ASIC2: variants seen among roughly 807,000 people sequenced by gnomAD.
ASIC2 encodes the protein acid-sensing ion channel 2.
In ASIC2, 25 loss-of-function variants were observed where a neutral mutation model predicts 57.3. The ratio of observed to expected loss-of-function variants is 0.44; its 90% CI spans 0.32 to 0.61. The LOEUF (loss-of-function observed/expected upper bound fraction) is 0.61. Ranked by LOEUF, ASIC2 falls within the 20% of genes least tolerant of loss-of-function variation. ASIC2 has a pLI of 0.06. For synonymous variants in ASIC2, 319 were observed against 307.5 expected, an observed-to-expected ratio of 1.04 and a Z score of -0.39; for missense variants, 641 against 738.1, an observed-to-expected ratio of 0.87 and a Z score of 1.52.
chr17:33,449,075 G>A (rs1005412057), intron 1 of ASIC2, among the ~76,000 whole-genome samples: 1 of 152,138 alleles, frequency 6.6e-6, no homozygotes, highest in Non-Finnish European at 1.5e-5. Context: ...ATGATGAATA[G>A]GAAACTGTTT....
At chr17:33,406,002 A>G (rs1169603586) in intron 1 of ASIC2, among the ~76,000 whole-genome samples, 1 of 150,048 alleles carries the variant, frequency 6.7e-6, no homozygotes, top group Non-Finnish European at 1.5e-5. Flanking sequence ...TTTCCCATGG[A>G]AAATGCAAAA....
chr17:33,891,652 T>G (rs1209083678), intron 1 of ASIC2, among the ~76,000 whole-genome samples: 1 of 152,350 alleles, frequency 6.6e-6, no homozygotes, highest in South Asian at 2.1e-4. Context: ...TTGTTTTGGC[T>G]GTTAGGAAGC....
chr17:33,220,144 C>G (rs1251934846), intron 1 of ASIC2, among the ~76,000 whole-genome samples: 1 of 152,168 alleles, frequency 6.6e-6, no homozygotes, highest in Non-Finnish European at 1.5e-5. Context: ...TAGTTTAACT[C>G]TAGAATAGAG....
At chr17:33,736,257 C>T (rs1267000112) in intron 1 of ASIC2, among the ~76,000 whole-genome samples, 2 of 151,900 alleles carry the variant, frequency 1.3e-5, no homozygotes, top group Non-Finnish European at 1.5e-5. Flanking sequence ...ATCATCCTGC[C>T]ATTGCTGAGG....
At position 33,916,708 on chromosome 17, in the gene ASIC2, T is replaced by C. The variant is rs893680143; in HGVS notation, c.555+239270A>G. Among the ~76,000 whole-genome samples, 9 of 152,042 alleles carry C rather than the reference T, an allele frequency of 5.9e-5. No homozygotes were observed. In the South Asian group the frequency reaches 1.0e-3, roughly 18 times the overall value. ...TCTGGGGGTAAAGGATGCAAAGAGG[T>C]TGCAATGACTTCAAGGTTTCAGGAT... On this transcript the variant is annotated intron_variant, in intron 1 of 9. Transcript: ENST00000359872.
At chr17:33,605,033 C>A (rs1003068191) in intron 1 of ASIC2, among the ~76,000 whole-genome samples, 2 of 152,154 alleles carry the variant, frequency 1.3e-5, no homozygotes, top group African/African-American at 2.4e-5. Flanking sequence ...CTCTCTCTCT[C>A]TCTCTCAAGT....
At chr17:33,760,907 G>A (rs1157611911) in intron 1 of ASIC2, among the ~76,000 whole-genome samples, 1 of 152,172 alleles carries the variant, frequency 6.6e-6, no homozygotes, top group Non-Finnish European at 1.5e-5. Flanking sequence ...TTTGTGAAAT[G>A]CATGTATTAA....
chr17:34,074,814 C>T (rs1166880490), intron 1 of ASIC2, among the ~76,000 whole-genome samples: 3 of 121,380 alleles, frequency 2.5e-5, no homozygotes, highest in African/African-American at 6.6e-5. Context: ...GAGACAGAGT[C>T]TCCCTCAGCC....
chr17:33,893,610 A>T (rs546684663), intron 1 of ASIC2, among the ~76,000 whole-genome samples: 1 of 152,264 alleles, frequency 6.6e-6, no homozygotes, highest in South Asian at 2.1e-4. Context: ...ACAAATTAGG[A>T]GGATGGAGGT....
intron 1 of ASIC2, chr17:33,834,388 T>C (rs1184742546): frequency 6.6e-6 from 1 of 152,218 alleles, no homozygotes; most frequent in Non-Finnish European, 1.5e-5. Context: ...TCTTCTTCCA[T>C]TGGAGATCTC....
chr17:34,001,592 G>T (rs185360321), intron 1 of ASIC2: 1 of 152,564 alleles, frequency 6.6e-6, no homozygotes, highest in South Asian at 2.1e-4. Context: ...GCTTGTAGCC[G>T]GGCTGGGGCT....
intron 1 of ASIC2, among the ~76,000 whole-genome samples, chr17:33,242,188 G>A (rs1183954944): frequency 2.6e-5 from 4 of 151,846 alleles, no homozygotes; most frequent in African/African-American, 9.7e-5. Context: ...ATGGTGGTGG[G>A]CGCCTGTAGT....
At chr17:33,280,220 G>A (rs914391724) in intron 1 of ASIC2, among the ~76,000 whole-genome samples, 3 of 152,030 alleles carry the variant, frequency 2.0e-5, no homozygotes, top group Non-Finnish European at 4.4e-5. Context: ...TCCCCGGCCG[G>A]AATTATAAAA....
chr17:34,029,695 A>T (rs1339327450), intron 1 of ASIC2, among the ~76,000 whole-genome samples: 1 of 152,232 alleles, frequency 6.6e-6, no homozygotes, highest in African/African-American at 2.4e-5. Context: ...CTGCACTGTG[A>T]GGACACAGTG....
At chr17:33,733,843 T>C (rs937519062) in intron 1 of ASIC2, among the ~76,000 whole-genome samples, 1 of 152,186 alleles carries the variant, frequency 6.6e-6, no homozygotes, top group Non-Finnish European at 1.5e-5. Flanking sequence ...TGTCCTACTC[T>C]TTCCCTGAAC....
intron 1 of ASIC2, among the ~76,000 whole-genome samples, chr17:33,826,330 A>G (rs1912908823): frequency 6.6e-6 from 1 of 152,154 alleles, no homozygotes; most frequent in Non-Finnish European, 1.5e-5. Flanking sequence ...CATATGATGG[A>G]GGGCGCAGAG....
At chr17:33,910,608 A>C (rs1915441469) in intron 1 of ASIC2, among the ~76,000 whole-genome samples, 1 of 152,146 alleles carries the variant, frequency 6.6e-6, no homozygotes, top group African/African-American at 2.4e-5. Context: ...TTTCCCCCAG[A>C]CTATAAACTT....
chr17:33,286,166 G>A (rs1321703093), intron 1 of ASIC2, among the ~76,000 whole-genome samples: 1 of 152,192 alleles, frequency 6.6e-6, no homozygotes, highest in Non-Finnish European at 1.5e-5. Context: ...CTTGCTTTCT[G>A]TCCTGGCAAG....
At chr17:34,057,005 CGTCTT>C (rs1381536766) in intron 1 of ASIC2, among the ~76,000 whole-genome samples, 1 of 152,178 alleles carries the variant, frequency 6.6e-6, no homozygotes, top group Non-Finnish European at 1.5e-5. Context: ...ATAGTTGCCT[CGTCTT>C]TTCATTCCCA....
Sources: gnomAD v4.1 joint callset for allele counts (sites outside exome capture counted in the v4.1 genomes callset) on GRCh38, gnomAD v4.1.1 for gene constraint, MANE v1.5 for transcripts, NCBI Gene and HGNC (gene_info 2026-07-23, HGNC 2026-07-21) for gene names.